MTOR: variants seen among roughly 807,000 people sequenced by gnomAD.
MTOR encodes mechanistic target of rapamycin kinase, also known as serine/threonine-protein kinase mTOR.
A neutral mutation model predicts 319.8 loss-of-function variants in MTOR; 70 were observed. The observed-to-expected ratio is 0.22, with a 90% CI of 0.18 to 0.27. The LOEUF is 0.27. Among genes scored for constraint, MTOR ranks in the 10% least tolerant of loss-of-function variants. The pLI, the probability that MTOR is intolerant of heterozygous loss-of-function variation, is 1.00. For synonymous variants in MTOR, 1,183 were observed against 1,211.4 expected, an observed-to-expected ratio of 0.98 and a Z score of 0.49; for missense variants, 1,890 against 3,274.4, an observed-to-expected ratio of 0.58 and a Z score of 10.32.
intron 6 of MTOR, among the ~76,000 whole-genome samples, chr1:11,249,741 T>TCA (rs1361156883): frequency 6.9e-6 from 1 of 144,252 alleles, no homozygotes; most frequent in Non-Finnish European, 1.5e-5. Context: ...GGGGGTAAGG[T>TCA]CACAGATCAA....
chr1:11,117,799 G>A (rs966181616), intron 49 of MTOR, among the ~76,000 whole-genome samples: 2 of 152,092 alleles, frequency 1.3e-5, no homozygotes, highest in African/African-American at 4.8e-5. Context: ...TAGTGTTTAG[G>A]CTGGGCACGG....
intron 29 of MTOR, among the ~76,000 whole-genome samples, chr1:11,158,295 C>A (rs1231995284): frequency 6.6e-6 from 1 of 152,192 alleles, no homozygotes; most frequent in Non-Finnish European, 1.5e-5. Context: ...TCTCCCATTA[C>A]CCTCTTCCCC....
rs1643773036 is a variant in MTOR at position 11,142,717 on chromosome 1, TTAAAAGTC to T, written c.4872+1923_4872+1930del. Among the ~76,000 whole-genome samples, 7 of 152,272 alleles carry T rather than the reference TTAAAAGTC, an allele frequency of 4.6e-5. No individual in the cohort carries two copies. The South Asian group carries it at 1.5e-3, about 32-fold the overall frequency. On this transcript the variant is annotated intron_variant, in intron 34 of 57. Transcript: ENST00000361445. ...GGAGCTGTCCTCCATGGAGATAAAC[TTAAAAGTC>T]TAGCGACAATGATCTCAGGCTTTTA...
At chr1:11,182,047 C>T (rs1645176324) in intron 28 of MTOR, among the ~76,000 whole-genome samples, 1 of 151,930 alleles carries the variant, frequency 6.6e-6, no homozygotes, top group African/African-American at 2.4e-5. Context: ...GAGAAACCCC[C>T]TCTCTACTAA....
intron 17 of MTOR, 86 bp downstream of exon 17, chr1:11,231,214 G>T (rs1647004602): frequency 6.3e-7 from 1 of 1,592,226 alleles, no homozygotes; most frequent in Non-Finnish European, 8.6e-7. Flanking sequence ...GACTGACACT[G>T]TCAGAGCATG....
chr1:11,120,570 T>C (rs1642469786), intron 49 of MTOR, among the ~76,000 whole-genome samples: 1 of 151,572 alleles, frequency 6.6e-6, no homozygotes, highest in Non-Finnish European at 1.5e-5. Context: ...CAGGCTGGTA[T>C]TGAACTCCTG....
At chr1:11,162,977 GAC>G (rs1251569346) in intron 29 of MTOR, among the ~76,000 whole-genome samples, 2 of 152,134 alleles carry the variant, frequency 1.3e-5, no homozygotes, top group Non-Finnish European at 2.9e-5. Context: ...CCAATTAAAA[GAC>G]ACAGACTGGC....
chr1:11,108,996 A>G (rs1343935310), intron 56 of MTOR, among the ~76,000 whole-genome samples: 2 of 152,174 alleles, frequency 1.3e-5, no homozygotes, highest in African/African-American at 4.8e-5. Flanking sequence ...CAAACAAACA[A>G]AAAAAAGACA....
intron 28 of MTOR, among the ~76,000 whole-genome samples, chr1:11,197,276 G>A: frequency 6.6e-6 from 1 of 152,200 alleles, no homozygotes; most frequent in East Asian, 1.9e-4. Context: ...ACTAGGGGTA[G>A]TGCTATGAGC....
intron 36 of MTOR, among the ~76,000 whole-genome samples, chr1:11,136,113 G>A (rs1643405361): frequency 6.6e-6 from 1 of 152,200 alleles, no homozygotes; most frequent in South Asian, 2.1e-4. Context: ...CAGTTTGGGT[G>A]ACAAGAGCGA....
At chr1:11,192,748 TAAAAA>T (rs56996673) in intron 28 of MTOR, among the ~76,000 whole-genome samples, 4 of 119,254 alleles carry the variant, frequency 3.4e-5, no homozygotes, top group Admixed American at 8.7e-5. Context: ...CCATTTCAAT[TAAAAA>T]AAAAAAAAAA....
At chr1:11,236,384 C>T (rs1449596447) in intron 13 of MTOR, among the ~76,000 whole-genome samples, 1 of 152,112 alleles carries the variant, frequency 6.6e-6, no homozygotes, top group Non-Finnish European at 1.5e-5. Flanking sequence ...TGTGATCCGC[C>T]TGCCTTGGCC....
chr1:11,253,688 G>C, intron 6 of MTOR, 151 bp downstream of exon 6: 1 of 906,464 alleles, frequency 1.1e-6, no homozygotes, highest in Non-Finnish European at 1.7e-6. Context: ...TTTCTTCATA[G>C]AACTTGCTGC....
intron 50 of MTOR, 132 bp downstream of exon 50, chr1:11,116,872 A>G: frequency 1.4e-6 from 1 of 691,530 alleles, no homozygotes; most frequent in African/African-American, 1.8e-5. Context: ...ATGTTGTAAA[A>G]GAGACCTTAC....
At chr1:11,145,275 C>T (rs747884651) in intron 32 of MTOR, 9 of 544,430 alleles carry the variant, frequency 1.7e-5, no homozygotes, top group Non-Finnish European at 2.9e-5. Flanking sequence ...TAACATCTAT[C>T]TAAGGTAACA....
intron 29 of MTOR, among the ~76,000 whole-genome samples, chr1:11,165,511 A>C (rs1305782041): frequency 1.1e-4 from 16 of 152,168 alleles, no homozygotes; most frequent in Non-Finnish European, 2.2e-4. Flanking sequence ...CAAAGAGAAT[A>C]AAATACCTAG....
intron 19 of MTOR, among the ~76,000 whole-genome samples, chr1:11,225,026 A>C (rs1013202999): frequency 6.6e-6 from 1 of 152,230 alleles, no homozygotes; most frequent in African/African-American, 2.4e-5. Flanking sequence ...GAAGCAGATT[A>C]GTAGTTGCCC....
At chr1:11,201,588 T>C (rs1455566026) in intron 26 of MTOR, among the ~76,000 whole-genome samples, 1 of 152,042 alleles carries the variant, frequency 6.6e-6, no homozygotes, top group East Asian at 1.9e-4. Context: ...TTATGCCTCA[T>C]TATAAATAAT....
intron 2 of MTOR, 132 bp downstream of exon 2, chr1:11,259,116 A>G: frequency 9.2e-7 from 1 of 1,083,608 alleles, no homozygotes; most frequent in Non-Finnish European, 1.3e-6. Context: ...TGGATGTGAC[A>G]GGTTGGGTGC....
Sources: gnomAD v4.1 joint callset for allele counts (sites outside exome capture counted in the v4.1 genomes callset) on GRCh38, gnomAD v4.1.1 for gene constraint, MANE v1.5 for transcripts, NCBI Gene and HGNC (gene_info 2026-07-23, HGNC 2026-07-21) for gene names.